CPS1: variants seen among roughly 807,000 people sequenced by gnomAD.
CPS1 encodes carbamoyl-phosphate synthase [ammonia], mitochondrial.
Under a neutral mutation model 174.6 loss-of-function variants are expected in CPS1, and 109 were observed. The observed-to-expected ratio is 0.62, with a 90% CI of 0.53 to 0.73. The LOEUF (loss-of-function observed/expected upper bound fraction) is 0.73, where lower values mean the gene tolerates loss of function less well. CPS1 is among the 30% of genes least tolerant of loss of function. CPS1 has a pLI of 0.00. For synonymous variants in CPS1, 637 were observed against 632.0 expected, an observed-to-expected ratio of 1.01 and a Z score of -0.12; for missense variants, 1,689 against 1,821.9, an observed-to-expected ratio of 0.93 and a Z score of 1.33.
intron 1 of CPS1, among the ~76,000 whole-genome samples, chr2:210,481,841 A>G (rs1694577829): frequency 6.6e-6 from 1 of 152,246 alleles, no homozygotes; most frequent in Admixed American, 6.5e-5. Context: ...TAGCAGTGGA[A>G]TTTATAGACC....
chr2:210,487,045 C>G (rs950021316), intron 1 of CPS1, among the ~76,000 whole-genome samples: 3 of 151,242 alleles, frequency 2.0e-5, no homozygotes, highest in African/African-American at 7.4e-5. Context: ...ATGAATTGTG[C>G]TGTCTACACA....
At chr2:210,505,877 A>C (rs932596902) in intron 1 of CPS1, among the ~76,000 whole-genome samples, 2 of 152,188 alleles carry the variant, frequency 1.3e-5, no homozygotes, top group African/African-American at 4.8e-5. Flanking sequence ...GAGTATGTAA[A>C]AAAAGCACAG....
intron 33 of CPS1, among the ~76,000 whole-genome samples, chr2:210,663,948 A>G (rs1365272179): frequency 2.0e-5 from 3 of 152,112 alleles, no homozygotes; most frequent in Non-Finnish European, 4.4e-5. Flanking sequence ...TCCTCTTGGT[A>G]TTAAGGAAAA....
At chr2:210,628,317 A>G (rs990227484) in intron 21 of CPS1, among the ~76,000 whole-genome samples, 4 of 152,136 alleles carry the variant, frequency 2.6e-5, no homozygotes, top group Non-Finnish European at 4.4e-5. Context: ...TCTGCTTTCC[A>G]TGTAGGTAGT....
At position 210,599,075 on chromosome 2, in the gene CPS1, C is replaced by A. The variant is rs6742717; in HGVS notation, c.1360-297C>A. On this transcript the variant is annotated intron_variant, in intron 13 of 37. Coordinates refer to ENST00000233072, the MANE Select transcript of CPS1 (RefSeq NM_001875.5). Reference sequence around the variant, plus strand: ...CTACAGGGTTCAGTAATATTTGTGGCTCTCTAGACCAATTATATAGAAATG... The same window carrying A: ...CTACAGGGTTCAGTAATATTTGTGGATCTCTAGACCAATTATATAGAAATG... Among the ~76,000 whole-genome samples, 3,192 of 151,932 alleles carry A rather than the reference C, an allele frequency of 0.021. 95 individuals are homozygous for A. Among genetic ancestry groups the A allele is most frequent in the Middle Eastern group, 0.068 (20 of 294 alleles).
intron 1 of CPS1, among the ~76,000 whole-genome samples, chr2:210,485,246 T>TG (rs372126432): frequency 6.8e-6 from 1 of 146,630 alleles, no homozygotes. Context: ...AAAAAAAAAA[T>TG]AAAATAAAAA....
At chr2:210,489,394 T>C (rs1459636029) in intron 1 of CPS1, among the ~76,000 whole-genome samples, 3 of 152,110 alleles carry the variant, frequency 2.0e-5, no homozygotes, top group Non-Finnish European at 4.4e-5. Flanking sequence ...GTCACATAGG[T>C]AGATGCATGC....
intron 21 of CPS1, among the ~76,000 whole-genome samples, chr2:210,629,905 T>C (rs12988297): frequency 2.0e-5 from 3 of 147,132 alleles, no homozygotes; most frequent in South Asian, 2.1e-4. Flanking sequence ...AAAAAAAAAA[T>C]TAAATTAAAA....
chr2:210,573,493 C>T lies in CPS1; in HGVS notation c.236+86C>T. 3.8e-6 allele frequency: 4 copies of T among 1,040,696 alleles called. No individual in the cohort carries two copies. In the South Asian group the frequency reaches 5.1e-5, roughly 13 times the overall value. The allele number at this position is 1,040,696 out of a possible 1,614,324, so 64.5% of individuals were successfully genotyped here. A position where few individuals can be genotyped will look rare whatever the true frequency, so the allele number is the denominator to read the frequency against. On this transcript the variant is annotated intron_variant, in intron 2 of 37. Transcript: ENST00000233072. ...CACTCATGGTGGTAAGTTGAAATCA[C>T]TGCATCGTAGTAAGACTACGTATTG...
chr2:210,675,900 A>G, intron 36 of CPS1, 60 bp downstream of exon 36: 3 of 838,056 alleles, frequency 3.6e-6, no homozygotes, highest in South Asian at 2.7e-5. Flanking sequence ...GAGAACCAGT[A>G]TATGAATATT....
upstream of CPS1, chr2:210,556,540 G>A (rs6732642): frequency 4.1e-3 from 6,012 of 1,474,476 alleles, 186 homozygotes; most frequent in African/African-American, 0.075. Flanking sequence ...CAGGAGGAGG[G>A]GTTAAGAGAA....
At chr2:210,534,411 T>C (rs908387246) in intron 1 of CPS1, among the ~76,000 whole-genome samples, 1 of 152,206 alleles carries the variant, frequency 6.6e-6, no homozygotes, top group Admixed American at 6.5e-5. Context: ...TATCCACTCC[T>C]GTAACAACTC....
chr2:210,507,903 A>T (rs1243576225), intron 1 of CPS1, among the ~76,000 whole-genome samples: 2 of 150,714 alleles, frequency 1.3e-5, no homozygotes, highest in Non-Finnish European at 3.0e-5. Flanking sequence ...CTACAAAGAG[A>T]CTTAGACTCC....
intron 1 of CPS1, among the ~76,000 whole-genome samples, chr2:210,523,895 A>G (rs531474090): frequency 6.6e-6 from 1 of 152,118 alleles, no homozygotes; most frequent in South Asian, 2.1e-4. Flanking sequence ...TCACTGTGCA[A>G]AACAAATGTG....
chr2:210,574,396 A>G (rs1697616652), intron 2 of CPS1, among the ~76,000 whole-genome samples: 1 of 152,066 alleles, frequency 6.6e-6, no homozygotes, highest in African/African-American at 2.4e-5. Context: ...GAATATACTA[A>G]TTGACCAAAC....
intron 17 of CPS1, among the ~76,000 whole-genome samples, chr2:210,605,861 AAG>A (rs768569263): frequency 2.0e-5 from 3 of 151,880 alleles, no homozygotes; most frequent in Non-Finnish European, 4.4e-5. Context: ...TAGGTATAGA[AAG>A]AGGAGAGAAT....
At chr2:210,527,182 G>C (rs956821285) in intron 1 of CPS1, among the ~76,000 whole-genome samples, 9 of 151,228 alleles carry the variant, frequency 6.0e-5, no homozygotes, top group African/African-American at 2.2e-4. Context: ...ATGTTCATAA[G>C]ATACTATATA....
rs1266622372 is a variant in CPS1 at position 210,592,741 on chromosome 2, T to A, written c.1087-138T>A. 3 of 763,112 alleles carry A rather than the reference T, an allele frequency of 3.9e-6. No homozygotes were observed. In the Admixed American group the frequency reaches 5.6e-5, roughly 14 times the overall value. 47.3% of individuals were successfully genotyped at this position (763,112 alleles called of 1,614,324 possible). A position where few individuals can be genotyped will look rare whatever the true frequency, so the allele number is the denominator to read the frequency against. ...GATATCGGACCATGTTACTTAATAG[T>A]ACTGTTAGTTACAAAAATTTTGTTA... is the stretch of plus-strand genomic sequence containing the variant. On this transcript the variant is annotated intron_variant, in intron 10 of 37. Coordinates refer to ENST00000233072, the MANE Select transcript of CPS1 (RefSeq NM_001875.5).
Position 210,600,649 on chromosome 2 carries a change from G to A in CPS1, c.1644G>A (p.Gln548=). 1 of 1,612,264 alleles carries A rather than the reference G, an allele frequency of 6.2e-7. No individual in the cohort carries two copies. The highest frequency in any genetic ancestry group is 8.5e-7 in the Non-Finnish European group (1 of 1,178,838). The part of the protein sequence containing the change: ...VESIMATEDR[Q]LFSDKLNEIN... ...CCATTATGGCTACGGAAGACAGGCA[G>A]CTGTTTTCAGATAAACTAAATGAGA... Residue 548 remains glutamine, a synonymous_variant, in exon 15 of 38, where the codon CAG becomes CAA. Transcript: ENST00000233072.
Sources: allele counts gnomAD v4.1 joint callset (sites outside exome capture counted in the v4.1 genomes callset), GRCh38; gene constraint gnomAD v4.1.1; transcripts MANE v1.5; gene names NCBI Gene and HGNC (gene_info 2026-07-23, HGNC 2026-07-21).